The following CIMIP6 variants were observed in gnomAD, a reference collection of about 807,000 sequenced individuals.
CIMIP6 encodes the protein uncharacterized protein C2orf73.
the CIMIP6 span, among the ~76,000 whole-genome samples, chr2:54,362,880 G>A: frequency 2.0e-5 from 3 of 152,160 alleles, no homozygotes; most frequent in Non-Finnish European, 4.4e-5. Context: ...TCGCCACTAA[G>A]TAATGCAAGA....
the CIMIP6 span, among the ~76,000 whole-genome samples, chr2:54,355,714 G>C: frequency 6.6e-6 from 1 of 151,874 alleles, no homozygotes; most frequent in East Asian, 1.9e-4. Flanking sequence ...TCTAGACCAT[G>C]TATTTTTTTG....
At chr2:54,344,140 G>A in the CIMIP6 span, among the ~76,000 whole-genome samples, 1 of 152,144 alleles carries the variant, frequency 6.6e-6, no homozygotes, top group Non-Finnish European at 1.5e-5. Flanking sequence ...GTAGCATCCT[G>A]CTCATTGTTG....
chr2:54,338,236 C>T, the CIMIP6 span, among the ~76,000 whole-genome samples: 2 of 151,948 alleles, frequency 1.3e-5, no homozygotes, highest in Admixed American at 1.3e-4. Context: ...GAGTTTGAAA[C>T]CTTCCTGGGC....
the CIMIP6 span, among the ~76,000 whole-genome samples, chr2:54,363,818 T>G: frequency 1.3e-5 from 2 of 152,192 alleles, no homozygotes; most frequent in Non-Finnish European, 2.9e-5. Context: ...ATTTGCAAAC[T>G]TAGTACTTTA....
the CIMIP6 span, among the ~76,000 whole-genome samples, chr2:54,378,750 T>A: frequency 6.6e-6 from 1 of 152,180 alleles, no homozygotes; most frequent in Non-Finnish European, 1.5e-5. Flanking sequence ...TCTACTCTGT[T>A]TAAATCAAAC....
At chr2:54,381,895 C>T in the CIMIP6 span, 1 of 1,550,554 alleles carries the variant, frequency 6.4e-7, no homozygotes, top group Non-Finnish European at 8.7e-7. Flanking sequence ...TCCTGTGCCA[C>T]AGTGCAGGAA....
chr2:54,380,974 T>G, the CIMIP6 span, among the ~76,000 whole-genome samples: 1 of 152,072 alleles, frequency 6.6e-6, no homozygotes, highest in Non-Finnish European at 1.5e-5. Context: ...TTTTAGGAGG[T>G]CTTTCTCCAC....
At chr2:54,336,132 G>A in the CIMIP6 span, among the ~76,000 whole-genome samples, 3 of 152,166 alleles carry the variant, frequency 2.0e-5, no homozygotes, top group Admixed American at 2.0e-4. Flanking sequence ...CCCTTACACA[G>A]TAAATTAGTT....
At chr2:54,352,717 G>A in the CIMIP6 span, among the ~76,000 whole-genome samples, 79 of 152,272 alleles carry the variant, frequency 5.2e-4, no homozygotes, top group East Asian at 0.015. Flanking sequence ...ATAAAGTAGT[G>A]TAGTATTTGC....
At chr2:54,377,038 C>T in the CIMIP6 span, among the ~76,000 whole-genome samples, 2 of 152,200 alleles carry the variant, frequency 1.3e-5, no homozygotes, top group Non-Finnish European at 2.9e-5. Context: ...GACTTCGGTT[C>T]TCTCGGCCAA....
At chr2:54,357,251 T>A in the CIMIP6 span, among the ~76,000 whole-genome samples, 1 of 152,216 alleles carries the variant, frequency 6.6e-6, no homozygotes, top group South Asian at 2.1e-4. Flanking sequence ...TCATGCTTGC[T>A]AATAAAATTA....
the CIMIP6 span, among the ~76,000 whole-genome samples, chr2:54,365,868 C>G: frequency 6.6e-6 from 1 of 152,048 alleles, no homozygotes; most frequent in Admixed American, 6.5e-5. Flanking sequence ...AAGAGAAAAT[C>G]AGTAAATTGG....
At chr2:54,331,058 A>G in the CIMIP6 span, 1 of 1,576,954 alleles carries the variant, frequency 6.3e-7, no homozygotes, top group Non-Finnish European at 8.7e-7. Context: ...TTCCTCCTTC[A>G]GGGGGAGGCC....
the CIMIP6 span, among the ~76,000 whole-genome samples, chr2:54,362,155 G>C: frequency 6.6e-6 from 1 of 152,114 alleles, no homozygotes; most frequent in Non-Finnish European, 1.5e-5. Flanking sequence ...TGAAGTCCCT[G>C]ACAAAAGCAA....
chr2:54,372,101 C>T, the CIMIP6 span, among the ~76,000 whole-genome samples: 23 of 152,232 alleles, frequency 1.5e-4, 1 homozygote, highest in Admixed American at 1.2e-3. Context: ...AAGTAGGTCA[C>T]TATTATTATA....
the CIMIP6 span, among the ~76,000 whole-genome samples, chr2:54,373,219 C>T: frequency 1.3e-5 from 2 of 152,068 alleles, no homozygotes; most frequent in Non-Finnish European, 2.9e-5. Flanking sequence ...GTCGGGCAGC[C>T]CCTCTCCAAC....
At chr2:54,335,022 C>T in the CIMIP6 span, 1 of 1,588,086 alleles carries the variant, frequency 6.3e-7, no homozygotes, top group East Asian at 2.3e-5. Flanking sequence ...GCCAGAAATA[C>T]AGGTTGGACA....
At chr2:54,380,215 T>C in the CIMIP6 span, among the ~76,000 whole-genome samples, 1 of 152,152 alleles carries the variant, frequency 6.6e-6, no homozygotes, top group African/African-American at 2.4e-5. Flanking sequence ...AGTGCTTGTA[T>C]TTATGATACC....
chr2:54,359,435 G>T, the CIMIP6 span, among the ~76,000 whole-genome samples: 1 of 151,748 alleles, frequency 6.6e-6, no homozygotes, highest in East Asian at 1.9e-4. Context: ...TTTGGAATTT[G>T]GTCTACTTAA....
Sources: allele counts gnomAD v4.1 joint callset (sites outside exome capture counted in the v4.1 genomes callset), GRCh38; gene constraint gnomAD v4.1.1; transcripts MANE v1.5; gene names NCBI Gene and HGNC (gene_info 2026-07-23, HGNC 2026-07-21).